SNX8: variants seen among roughly 807,000 people sequenced by gnomAD.
SNX8 encodes the protein sorting nexin-8.
Under a neutral mutation model 51.6 loss-of-function variants are expected in SNX8, and 25 were observed. The observed-to-expected ratio is 0.48, with a 90% CI of 0.35 to 0.68. The LOEUF is 0.68. SNX8 is among the 30% of genes least tolerant of loss of function. The pLI, the probability that SNX8 is intolerant of heterozygous loss-of-function variation, is 0.00. For missense variants in SNX8, 695 were observed against 624.0 expected (o/e 1.11, Z -1.21); for synonymous variants, 324 against 277.0 (o/e 1.17, Z -1.68).
intron 7 of SNX8, among the ~76,000 whole-genome samples, chr7:2,262,830 G>A (rs548649445): frequency 6.6e-6 from 1 of 152,176 alleles, no homozygotes; most frequent in Admixed American, 6.5e-5. Context: ...TCAGAACTGG[G>A]AAGCCGGCCG....
intron 2 of SNX8, among the ~76,000 whole-genome samples, chr7:2,275,864 G>A (rs1795766574): frequency 6.6e-6 from 1 of 152,056 alleles, no homozygotes; most frequent in East Asian, 1.9e-4. Flanking sequence ...CGGGCGTGGT[G>A]GTGGGCACCT....
chr7:2,270,037 C>T (rs1008259147), intron 4 of SNX8, among the ~76,000 whole-genome samples: 1 of 152,154 alleles, frequency 6.6e-6, no homozygotes. Context: ...CTTCCAAAAA[C>T]GCAATAGAAC....
At chr7:2,283,257 G>A (rs1795949775) in intron 1 of SNX8, among the ~76,000 whole-genome samples, 1 of 152,234 alleles carries the variant, frequency 6.6e-6, no homozygotes, top group African/African-American at 2.4e-5. Flanking sequence ...GGCGCAGGTG[G>A]CACGGGACAG....
chr7:2,280,049 G>C (rs374406938), intron 1 of SNX8, among the ~76,000 whole-genome samples: 5 of 152,282 alleles, frequency 3.3e-5, no homozygotes, highest in African/African-American at 1.2e-4. Context: ...AGACAGGAGG[G>C]AGGGGAGAGA....
rs541900726 is a variant in SNX8, at chr7:2,303,716, C to T, written c.94+10612G>A. The stretch of plus-strand genomic sequence containing the variant: ...CACTCAGGGTTAAATGGATTAAGGG[C>T]GGTGCAAGATATGCTTTGTTAAACA... On this transcript the variant is annotated intron_variant, in intron 1 of 10. Coordinates refer to ENST00000222990, the MANE Select transcript of SNX8 (RefSeq NM_013321.4). 2.4e-4 allele frequency among the ~76,000 whole-genome samples: 36 copies of T among 152,128 alleles called. No individual in the cohort carries two copies. In the South Asian group the frequency reaches 4.1e-3, roughly 18 times the overall value.
chr7:2,293,821 G>C (rs1165988527), intron 1 of SNX8, among the ~76,000 whole-genome samples: 1 of 151,182 alleles, frequency 6.6e-6, no homozygotes, highest in Non-Finnish European at 1.5e-5. Context: ...AAATTAGCTG[G>C]GTGTGGTGGT....
At chr7:2,276,233 C>A (rs980281272) in intron 2 of SNX8, among the ~76,000 whole-genome samples, 1 of 152,198 alleles carries the variant, frequency 6.6e-6, no homozygotes, top group Non-Finnish European at 1.5e-5. Context: ...GCCTCACCCC[C>A]AGGCTGCCAG....
chr7:2,289,794 G>A (rs1290444725), intron 1 of SNX8, among the ~76,000 whole-genome samples: 3 of 152,174 alleles, frequency 2.0e-5, no homozygotes, highest in East Asian at 1.9e-4. Flanking sequence ...ACCGTGGCAC[G>A]CACCTATAGT....
intron 1 of SNX8, among the ~76,000 whole-genome samples, chr7:2,305,400 G>A (rs935163418): frequency 1.3e-5 from 2 of 152,168 alleles, no homozygotes; most frequent in Admixed American, 6.5e-5. Flanking sequence ...GTCTTGCTCT[G>A]TTGCCCAGGC....
chr7:2,285,045 T>C (rs542415325), intron 1 of SNX8, among the ~76,000 whole-genome samples: 1 of 151,932 alleles, frequency 6.6e-6, no homozygotes, highest in South Asian at 2.1e-4. Flanking sequence ...ACCTCATCTC[T>C]TCTAAAAATA....
chr7:2,256,251 C>T (rs1310336285), intron 10 of SNX8, among the ~76,000 whole-genome samples: 4 of 152,346 alleles, frequency 2.6e-5, no homozygotes, highest in East Asian at 3.9e-4. Context: ...AAGCACCTCC[C>T]GGGGACAGTG....
chr7:2,263,353 C>G lies in SNX8; in HGVS notation c.792G>C (p.Gly264=). The G allele has an allele frequency of 6.2e-7, 1 of 1,601,310 alleles. No individual in the cohort carries two copies. The highest frequency in any genetic ancestry group is 8.5e-7 in the Non-Finnish European group (1 of 1,174,020). Residue 264 remains glycine (G), a synonymous_variant, in exon 7 of 11, where the codon GGG becomes GGC. Coordinates refer to ENST00000222990, the MANE Select transcript of SNX8 (RefSeq NM_013321.4). ...LIFGKELSAI[G]SDTTPLPSWA... is the part of the protein sequence containing the mutation. ...AGGAGGGCAGCGGGGTCGTGTCAGA[C>G]CCTATTGCACTGAGGGAGCAAGCAC...
At chr7:2,284,437 T>C (rs1474006391) in intron 1 of SNX8, among the ~76,000 whole-genome samples, 1 of 136,262 alleles carries the variant, frequency 7.3e-6, no homozygotes, top group Admixed American at 8.7e-5. Flanking sequence ...AGTCTCACTC[T>C]GTTGCCCAGG....
At chr7:2,309,557 C>A (rs1796618613) in intron 1 of SNX8, among the ~76,000 whole-genome samples, 1 of 151,882 alleles carries the variant, frequency 6.6e-6, no homozygotes, top group Non-Finnish European at 1.5e-5. Flanking sequence ...CATGGAGAAA[C>A]CCCGTCTCTA....
chr7:2,345,511 T>A (rs531127372), intron 1 of SNX8, among the ~76,000 whole-genome samples: 1 of 151,824 alleles, frequency 6.6e-6, no homozygotes, highest in South Asian at 2.1e-4. Flanking sequence ...AAACCCCATC[T>A]CTACTAAAAA....
chr7:2,275,737 G>A (rs1177174040), intron 2 of SNX8, among the ~76,000 whole-genome samples: 2 of 151,990 alleles, frequency 1.3e-5, no homozygotes, highest in Non-Finnish European at 2.9e-5. Flanking sequence ...GGTGGCTCAC[G>A]CCTGCATTCC....
chr7:2,353,426 C>T (rs1357356575), intron 1 of SNX8, among the ~76,000 whole-genome samples: 55 of 151,454 alleles, frequency 3.6e-4, no homozygotes, highest in Admixed American at 3.6e-3. Context: ...ATGAAATATA[C>T]ATAAAATTTA....
chr7:2,321,556 A>G (rs1778514275), intron 1 of SNX8, among the ~76,000 whole-genome samples: 1 of 147,924 alleles, frequency 6.8e-6, no homozygotes, highest in South Asian at 2.1e-4. Flanking sequence ...CCTCCCAAGT[A>G]GCTGGAATAA....
At chr7:2,276,593 A>C (rs952386855) in intron 2 of SNX8, among the ~76,000 whole-genome samples, 3 of 150,946 alleles carry the variant, frequency 2.0e-5, no homozygotes, top group Non-Finnish European at 2.9e-5. Context: ...GCTTGAGCCC[A>C]GGAGTTCGAG....
Sources: gnomAD v4.1 joint callset for allele counts (sites outside exome capture counted in the v4.1 genomes callset) on GRCh38, gnomAD v4.1.1 for gene constraint, MANE v1.5 for transcripts, NCBI Gene and HGNC (gene_info 2026-07-23, HGNC 2026-07-21) for gene names.